Variants in SYT17 observed in about 807,000 individuals in gnomAD.
SYT17 encodes the protein synaptotagmin-17.
A neutral mutation model predicts 46.7 loss-of-function variants in SYT17; 22 were observed. The observed-to-expected ratio is 0.47, with a 90% CI of 0.34 to 0.67. The LOEUF (loss-of-function observed/expected upper bound fraction) is 0.67. Among genes scored for constraint, SYT17 ranks in the 30% least tolerant of loss-of-function variants. The pLI, the probability that SYT17 is intolerant of heterozygous loss-of-function variation, is 0.01. For synonymous variants in SYT17, 251 were observed against 248.4 expected (o/e 1.01, Z -0.10); for missense variants, 519 against 612.8 (o/e 0.85, Z 1.62).
Position 19,172,792 on chromosome 16 carries a change from T to C in SYT17, c.33+15T>C. 1 of 1,614,108 alleles carries C rather than the reference T, an allele frequency of 6.2e-7. No homozygotes were observed. The highest frequency in any genetic ancestry group is 8.5e-7 in the Non-Finnish European group (1 of 1,180,016). Reference sequence around the variant, plus strand: ...CATTAAACGAGGTGGGTTCATTTGATGATTTGTTTGGTCTGGTTTCTAATC... The same window carrying C: ...CATTAAACGAGGTGGGTTCATTTGACGATTTGTTTGGTCTGGTTTCTAATC... On this transcript the variant is annotated intron_variant, in intron 2 of 7. Transcript: ENST00000355377.
chr16:19,248,714 T>C (rs1402224601), intron 7 of SYT17, among the ~76,000 whole-genome samples: 1 of 151,834 alleles, frequency 6.6e-6, no homozygotes, highest in Non-Finnish European at 1.5e-5. Context: ...CCCAGGTACT[T>C]TGGAGGCTGA....
intron 7 of SYT17, among the ~76,000 whole-genome samples, chr16:19,251,824 C>T (rs571488156): frequency 1.1e-4 from 17 of 152,284 alleles, no homozygotes; most frequent in Admixed American, 2.0e-4. Context: ...TCTTCCTAGA[C>T]TGCTGTGAGG....
At chr16:19,173,335 T>C in intron 2 of SYT17, 95 bp from the exon 3 acceptor site, 1 of 776,032 alleles carries the variant, frequency 1.3e-6, no homozygotes, top group Non-Finnish European at 2.0e-6. Flanking sequence ...ATCGGCTGCT[T>C]GTAATTTTGG....
chr16:19,263,723 T>C (rs1969163179), intron 7 of SYT17, among the ~76,000 whole-genome samples: 1 of 148,042 alleles, frequency 6.8e-6, no homozygotes. Context: ...ATAGTCAAAA[T>C]GTGGAAACAA....
chr16:19,239,968 G>A (rs905275366), intron 7 of SYT17, among the ~76,000 whole-genome samples: 1 of 152,226 alleles, frequency 6.6e-6, no homozygotes, highest in Non-Finnish European at 1.5e-5. Context: ...GGCTGCGGCT[G>A]GACCAGGATC....
At chr16:19,259,687 T>A (rs1490310198) in intron 7 of SYT17, among the ~76,000 whole-genome samples, 1 of 151,990 alleles carries the variant, frequency 6.6e-6, no homozygotes, top group East Asian at 1.9e-4. Flanking sequence ...TTTTGATTTT[T>A]TTTTTTTTCT....
chr16:19,182,141 G>T (rs951528365), intron 4 of SYT17, among the ~76,000 whole-genome samples: 1 of 152,024 alleles, frequency 6.6e-6, no homozygotes, highest in Non-Finnish European at 1.5e-5. Flanking sequence ...CAGGCTGGGC[G>T]CGGTGGCTCA....
chr16:19,232,318 T>C (rs1401998590), intron 7 of SYT17, among the ~76,000 whole-genome samples: 1 of 152,126 alleles, frequency 6.6e-6, no homozygotes, highest in Non-Finnish European at 1.5e-5. Flanking sequence ...GAATATGGCG[T>C]CTCTATTTTC....
In SYT17 at chr16:19,258,127, G is replaced by A. The variant is rs557558619; in HGVS notation, c.1229-8753G>A. Among the ~76,000 whole-genome samples the A allele has an allele frequency of 1.2e-4, 19 of 152,236 alleles. No individual in the cohort carries two copies. The South Asian group carries it at 4.0e-3, about 32-fold the overall frequency. On this transcript the variant is annotated intron_variant, in intron 7 of 7. Coordinates refer to ENST00000355377, the MANE Select transcript of SYT17 (RefSeq NM_016524.4). ...CAAATATCAACAGGTGAAAGCCTCAGTTTGTCCCTGACTCCTTCAGGGTAC... is the reference window on the plus strand; with the variant it reads ...CAAATATCAACAGGTGAAAGCCTCAATTTGTCCCTGACTCCTTCAGGGTAC...
At position 19,221,998 on chromosome 16, in the gene SYT17, C is replaced by G. The variant is rs530967734; in HGVS notation, c.952-1047C>G. ...TTTGAAGCTGAATGATGTTTGGGTA[C>G]GAAGATGGTGGGGTATACTCTTCTG... On this transcript the variant is annotated intron_variant, in intron 5 of 7. Coordinates refer to ENST00000355377, the MANE Select transcript of SYT17 (RefSeq NM_016524.4). Among the ~76,000 whole-genome samples, 145 of 152,142 alleles carry G rather than the reference C, an allele frequency of 9.5e-4. 3 individuals carry two copies. The South Asian group carries it at 0.014, about 15-fold the overall frequency.
intron 5 of SYT17, among the ~76,000 whole-genome samples, chr16:19,214,922 G>T (rs1966036538): frequency 6.6e-6 from 1 of 152,026 alleles, no homozygotes; most frequent in South Asian, 2.1e-4. Context: ...CTGAGCAACT[G>T]GGATTGCAGG....
rs1964503025 is a variant in SYT17 at position 19,180,462 on chromosome 16, G to A, written c.254G>A (p.Arg85Gln). The part of the protein sequence containing the change: ...HTASEVPLTP[R>Q]TNSPDGRRSS... Reference sequence around the variant, plus strand: ...GCCAGCGAAGTCCCGCTGACCCCACGGACCAATTCCCCGGATGGAAGACGC... The same window carrying A: ...GCCAGCGAAGTCCCGCTGACCCCACAGACCAATTCCCCGGATGGAAGACGC... The change falls in exon 4 of 8, where the codon CGG becomes CAG. Residue 85 changes from arginine (R) to glutamine (Q), a missense_variant. Arg to Gln is a conservative substitution (Grantham distance 43). Coordinates refer to ENST00000355377, the MANE Select transcript of SYT17 (RefSeq NM_016524.4). 1.2e-6 allele frequency: 2 copies of A among 1,614,036 alleles called. No homozygotes were observed. The highest frequency in any genetic ancestry group is 8.5e-7 in the Non-Finnish European group (1 of 1,180,020).
intron 7 of SYT17, among the ~76,000 whole-genome samples, chr16:19,235,352 A>T (rs1390870053): frequency 2.0e-5 from 3 of 152,200 alleles, no homozygotes; most frequent in African/African-American, 7.2e-5. Flanking sequence ...GGGCAGATAC[A>T]AATAGCATTG....
intron 4 of SYT17, among the ~76,000 whole-genome samples, chr16:19,182,185 C>T (rs1447046555): frequency 6.6e-6 from 1 of 152,200 alleles, no homozygotes; most frequent in Non-Finnish European, 1.5e-5. Context: ...GAGGCCGAGG[C>T]AGGCAGATAG....
intron 5 of SYT17, among the ~76,000 whole-genome samples, chr16:19,192,424 G>GA (rs1418479566): frequency 5.3e-5 from 8 of 150,080 alleles, no homozygotes; most frequent in Non-Finnish European, 1.0e-4. Flanking sequence ...CTGTCTCATA[G>GA]AAAAAAAAAG....
chr16:19,179,297 T>TA (rs894121853), intron 3 of SYT17, among the ~76,000 whole-genome samples: 2 of 152,086 alleles, frequency 1.3e-5, no homozygotes, highest in African/African-American at 2.4e-5. Context: ...CCAGCTAATT[T>TA]AAAAAATTTT....
chr16:19,259,770 A>G (rs1044570506), intron 7 of SYT17, among the ~76,000 whole-genome samples: 2 of 151,800 alleles, frequency 1.3e-5, no homozygotes, highest in Non-Finnish European at 2.9e-5. Context: ...GAGTGTGTAC[A>G]TTTTGTAAAC....
intron 5 of SYT17, among the ~76,000 whole-genome samples, chr16:19,195,582 G>T (rs763110067): frequency 6.6e-6 from 1 of 151,970 alleles, no homozygotes; most frequent in African/African-American, 2.4e-5. Context: ...TGGGCATGGT[G>T]GTGGGCGCCT....
chr16:19,266,690 G>T (rs1247198380), intron 7 of SYT17, among the ~76,000 whole-genome samples, 190 bp from the exon 8 acceptor site: 1 of 152,180 alleles, frequency 6.6e-6, no homozygotes, highest in Non-Finnish European at 1.5e-5. Context: ...GAGACTCACA[G>T]GAGGATGAGA....
Sources: allele counts gnomAD v4.1 joint callset (sites outside exome capture counted in the v4.1 genomes callset), GRCh38; gene constraint gnomAD v4.1.1; transcripts MANE v1.5; gene names NCBI Gene and HGNC (gene_info 2026-07-23, HGNC 2026-07-21).